The following PRMT8 variants were observed in gnomAD, a reference collection of about 807,000 sequenced individuals.
The protein encoded by PRMT8 is protein arginine N-methyltransferase 8.
PRMT8 carries 7 observed loss-of-function variants against 47.1 expected under a neutral mutation model. That is an observed-to-expected ratio of 0.15 (90% CI 0.08 to 0.28). The LOEUF (loss-of-function observed/expected upper bound fraction) is 0.28. PRMT8 is among the 10% of genes least tolerant of loss of function. The pLI is 1.00. For synonymous variants in PRMT8, 188 were observed against 186.5 expected (o/e 1.01, Z -0.07); for missense variants, 237 against 505.4 (o/e 0.47, Z 5.09).
chr12:3,491,893 T>TG (rs796174363), intron 1 of PRMT8, among the ~76,000 whole-genome samples, 193 bp downstream of exon 1: 2 of 4,958 alleles, frequency 4.0e-4, no homozygotes, highest in Non-Finnish European at 7.7e-4. Context: ...TGTGTGTTGG[T>TG]GGGGGGTGGG....
At chr12:3,397,961 G>A (rs1864275672) in intron 1 of PRMT8, among the ~76,000 whole-genome samples, 1 of 152,240 alleles carries the variant, frequency 6.6e-6, no homozygotes, top group Non-Finnish European at 1.5e-5. Flanking sequence ...TCGGGTGGGA[G>A]TGGCCTGATT....
At chr12:3,554,054 C>G (rs1591599523) in intron 4 of PRMT8, among the ~76,000 whole-genome samples, 1 of 152,186 alleles carries the variant, frequency 6.6e-6, no homozygotes, top group Non-Finnish European at 1.5e-5. Context: ...TCCTCCTCTT[C>G]CCTCCCTCTC....
chr12:3,559,401 C>T (rs1210660635), intron 4 of PRMT8, among the ~76,000 whole-genome samples: 1 of 152,248 alleles, frequency 6.6e-6, no homozygotes, highest in African/African-American at 2.4e-5. Flanking sequence ...GATTTTAGAA[C>T]GTTGATGCTC....
At chr12:3,533,223 C>CT (rs1591589108) in intron 1 of PRMT8, among the ~76,000 whole-genome samples, 1 of 152,136 alleles carries the variant, frequency 6.6e-6, no homozygotes, top group African/African-American at 2.4e-5. Context: ...GCGTCTGTGC[C>CT]TACGAAGCCA....
In PRMT8 at chr12:3,564,529, GAGA is replaced by G. The variant is rs1446916139; in HGVS notation, c.482-4174_482-4172del. ...CTCACTTACAAACTTGAAGCTACAG[GAGA>G]AGTTTTCCCAATTTAGAGTCTATTG... is the stretch of plus-strand genomic sequence containing the variant. On this transcript the variant is annotated intron_variant, in intron 4 of 9. Coordinates refer to ENST00000382622, the MANE Select transcript of PRMT8 (RefSeq NM_019854.5). This position sits in a 1 kb window ranked among gnomAD's most constrained non-coding sequence, Gnocchi z 4.0. 2.6e-5 allele frequency among the ~76,000 whole-genome samples: 4 copies of G among 151,932 alleles called. No individual in the cohort carries two copies.
At position 3,564,261 on chromosome 12, in the gene PRMT8, C is replaced by T. The variant is rs892388107; in HGVS notation, c.482-4445C>T. ...TCCCATGCCTGTGACCCTCATGCCT[C>T]CTCTTGTGTGGCACAGGACCTGCTC... is the stretch of plus-strand genomic sequence containing the variant. On this transcript the variant is annotated intron_variant, in intron 4 of 9. Transcript: ENST00000382622. This position sits in a 1 kb window ranked among gnomAD's most constrained non-coding sequence, Gnocchi z 4.0. 1.3e-5 allele frequency among the ~76,000 whole-genome samples: 2 copies of T among 152,054 alleles called. No individual in the cohort carries two copies. Among genetic ancestry groups the T allele is most frequent in the African/African-American group, 4.8e-5 (2 of 41,386 alleles).
At position 3,572,509 on chromosome 12, in the gene PRMT8, A is replaced by G. The variant is rs1309932874; in HGVS notation, c.712+2945A>G. Among the ~76,000 whole-genome samples the G allele has an allele frequency of 6.6e-6, 1 of 152,174 alleles. No homozygotes were observed. The highest frequency in any genetic ancestry group is 6.5e-5 in the Admixed American group (1 of 15,284). Reference sequence around the variant, plus strand: ...GGCTGATGAGAAGACTGAAAGAAAGACCTCATGCAGAGGTGGCAGTGCTTA... The same window carrying G: ...GGCTGATGAGAAGACTGAAAGAAAGGCCTCATGCAGAGGTGGCAGTGCTTA... On this transcript the variant is annotated intron_variant, in intron 6 of 9. Coordinates refer to ENST00000382622, the MANE Select transcript of PRMT8 (RefSeq NM_019854.5). The surrounding 1 kb of genome is among the most constrained non-coding windows in gnomAD (Gnocchi z 5.9).
chr12:3,452,882 C>G (rs1864935896), intron 1 of PRMT8, among the ~76,000 whole-genome samples: 1 of 152,198 alleles, frequency 6.6e-6, no homozygotes, highest in African/African-American at 2.4e-5. Flanking sequence ...AAGTCAGCAT[C>G]TTTAAGGGCG....
intron 7 of PRMT8, among the ~76,000 whole-genome samples, chr12:3,582,512 C>T (rs376496966): frequency 4.6e-5 from 7 of 152,180 alleles, no homozygotes; most frequent in African/African-American, 1.7e-4. Context: ...TTGCTGGGAA[C>T]TTGCGTATCA....
At position 3,583,902 on chromosome 12, in the gene PRMT8, T is replaced by A. The variant is rs1867119628; in HGVS notation, c.979+694T>A. ...AGGTGGCCCAGCTACACCGAGCTCCTTGCTGACTTCTAAACTCAGTGAGGC... is the reference window on the plus strand; with the variant it reads ...AGGTGGCCCAGCTACACCGAGCTCCATGCTGACTTCTAAACTCAGTGAGGC... On this transcript the variant is annotated intron_variant, in intron 8 of 9. Coordinates refer to ENST00000382622, the MANE Select transcript of PRMT8 (RefSeq NM_019854.5). The surrounding 1 kb of genome is among the most constrained non-coding windows in gnomAD (Gnocchi z 4.7). Among the ~76,000 whole-genome samples, 1 of 152,216 alleles carries A rather than the reference T, an allele frequency of 6.6e-6. No homozygotes were observed. Among genetic ancestry groups the A allele is most frequent in the Non-Finnish European group, 1.5e-5 (1 of 68,034 alleles).
At position 3,570,014 on chromosome 12, in the gene PRMT8, C is replaced by A. The variant is rs925321628; in HGVS notation, c.712+450C>A. Among the ~76,000 whole-genome samples the A allele has an allele frequency of 4.6e-5, 7 of 152,126 alleles. No individual in the cohort carries two copies. The highest frequency in any genetic ancestry group is 1.7e-4 in the African/African-American group (7 of 41,422). Reference sequence around the variant, plus strand: ...CAAACTTATCAAAATAATATTGATTCTCTTATGCAAATACATATTATTTGA... The same window carrying A: ...CAAACTTATCAAAATAATATTGATTATCTTATGCAAATACATATTATTTGA... On this transcript the variant is annotated intron_variant, in intron 6 of 9. Transcript: ENST00000382622. This position sits in a 1 kb window ranked among gnomAD's most constrained non-coding sequence, Gnocchi z 5.5.
chr12:3,509,994 CAG>C (rs1255939690), intron 1 of PRMT8, among the ~76,000 whole-genome samples: 2 of 152,198 alleles, frequency 1.3e-5, no homozygotes, highest in Non-Finnish European at 2.9e-5. Flanking sequence ...GCAGTGGCAG[CAG>C]AGAGACTGTA....
chr12:3,451,818 G>A (rs1004280571), intron 1 of PRMT8, among the ~76,000 whole-genome samples: 1 of 152,176 alleles, frequency 6.6e-6, no homozygotes, highest in African/African-American at 2.4e-5. Flanking sequence ...GGAGTGTCTT[G>A]ACGTTGCTAA....
intron 6 of PRMT8, chr12:3,574,075 T>C (rs1866896526): frequency 6.6e-6 from 1 of 152,116 alleles, no homozygotes; most frequent in East Asian, 1.9e-4. Flanking sequence ...AATTAACCCA[T>C]ATAAAGGTAA....
Position 3,570,673 on chromosome 12 carries a change from G to A in PRMT8, c.712+1109G>A, listed in dbSNP as rs1007974706. Reference sequence around the variant, plus strand: ...TCGTTAGTGGCACTGATGAAAACTCGGCTGGACTCTGCTATGGATGTGTGT... The same window carrying A: ...TCGTTAGTGGCACTGATGAAAACTCAGCTGGACTCTGCTATGGATGTGTGT... On this transcript the variant is annotated intron_variant, in intron 6 of 9. Transcript: ENST00000382622. The surrounding 1 kb of genome is among the most constrained non-coding windows in gnomAD (Gnocchi z 5.5). Among the ~76,000 whole-genome samples the A allele has an allele frequency of 2.6e-5, 4 of 152,296 alleles. No homozygotes were observed. The highest frequency in any genetic ancestry group is 3.4e-3 in the Middle Eastern group (1 of 294).
At chr12:3,534,811 A>T (rs1380923124) in intron 1 of PRMT8, among the ~76,000 whole-genome samples, 2 of 152,334 alleles carry the variant, frequency 1.3e-5, no homozygotes, top group African/African-American at 4.8e-5. Context: ...AACTGAGCTA[A>T]CCATGGCATC....
At position 3,459,244 on chromosome 12, in the gene PRMT8, C is replaced by T. The variant is rs985127190; in HGVS notation, c.48+77802C>T. ...AACAGCTCCAGACTTGAGCTTGCCA[C>T]TGTCCTTCCTTGACCCCTCTTGGAT... On this transcript the variant is annotated intron_variant, in intron 1 of 9. Transcript: ENST00000452611. Among the ~76,000 whole-genome samples the T allele has an allele frequency of 2.0e-5, 3 of 152,238 alleles. No individual in the cohort carries two copies. The East Asian group carries it at 5.8e-4, about 29-fold the overall frequency.
chr12:3,519,222 A>G (rs1591581414), intron 1 of PRMT8, among the ~76,000 whole-genome samples: 1 of 152,172 alleles, frequency 6.6e-6, no homozygotes, highest in African/African-American at 2.4e-5. Context: ...AAAAGGAAAC[A>G]GGGAATGACA....
chr12:3,428,397 A>G (rs1351262609), intron 1 of PRMT8, among the ~76,000 whole-genome samples: 8 of 151,706 alleles, frequency 5.3e-5, no homozygotes, highest in Admixed American at 4.6e-4. Context: ...TTATTTTTCT[A>G]CTTTCTTCCG....
Sources: gnomAD v4.1 joint callset for allele counts (sites outside exome capture counted in the v4.1 genomes callset) on GRCh38, gnomAD v4.1.1 for gene constraint, Gnocchi (gnomAD v3.1) non-coding constraint, MANE v1.5 for transcripts, NCBI Gene and HGNC (gene_info 2026-07-23, HGNC 2026-07-21) for gene names.